The following DGKB variants were observed in gnomAD, a reference collection of about 807,000 sequenced individuals.
The protein encoded by DGKB is diacylglycerol kinase beta, also known as 90 kDa diacylglycerol kinase.
DGKB carries 67 observed loss-of-function variants against 114.3 expected under a neutral mutation model. That is an observed-to-expected ratio of 0.59 (90% CI 0.48 to 0.72). The LOEUF is 0.72. Among genes scored for constraint, DGKB ranks in the 30% least tolerant of loss-of-function variants. DGKB has a pLI of 0.00. For synonymous variants in DGKB, 398 were observed against 323.1 expected, an observed-to-expected ratio of 1.23 and a Z score of -2.49; for missense variants, 907 against 975.2, an observed-to-expected ratio of 0.93 and a Z score of 0.93.
intron 20 of DGKB, among the ~76,000 whole-genome samples, chr7:14,562,948 C>T (rs758937549): frequency 6.6e-6 from 1 of 152,022 alleles, no homozygotes; most frequent in Non-Finnish European, 1.5e-5. Context: ...TGGCTGTGTC[C>T]CCACCCAAAT....
chr7:14,555,468 C>G (rs946418858), intron 20 of DGKB, among the ~76,000 whole-genome samples: 7 of 152,120 alleles, frequency 4.6e-5, no homozygotes, highest in African/African-American at 1.7e-4. Flanking sequence ...CCCAGTGACC[C>G]TATCAGAATT....
chr7:14,900,572 G>A (rs939456136), intron 1 of DGKB, among the ~76,000 whole-genome samples: 6 of 151,976 alleles, frequency 3.9e-5, no homozygotes, highest in African/African-American at 4.8e-5. Context: ...ACAACTCTCC[G>A]TTCTTTCAAT....
At chr7:14,626,301 G>T (rs552376003) in intron 14 of DGKB, among the ~76,000 whole-genome samples, 7 of 152,320 alleles carry the variant, frequency 4.6e-5, no homozygotes, top group African/African-American at 1.7e-4. Flanking sequence ...GAAACTGGCA[G>T]CAGCAAAGCA....
chr7:14,268,490 G>A (rs755985313), intron 23 of DGKB, among the ~76,000 whole-genome samples: 12 of 152,190 alleles, frequency 7.9e-5, no homozygotes, highest in Non-Finnish European at 1.6e-4. Context: ...TCAGCAGGAA[G>A]AGGTACCCAA....
chr7:14,930,656 G>A (rs1215518987), intron 1 of DGKB, among the ~76,000 whole-genome samples: 2 of 152,100 alleles, frequency 1.3e-5, no homozygotes, highest in Admixed American at 6.6e-5. Flanking sequence ...AGTAAACAGG[G>A]ATAGGTTCTC....
intron 23 of DGKB, among the ~76,000 whole-genome samples, chr7:14,265,866 A>G (rs549586273): frequency 6.6e-6 from 1 of 152,352 alleles, no homozygotes; most frequent in South Asian, 2.1e-4. Flanking sequence ...CTGGCAAAGT[A>G]AACATATATA....
chr7:14,413,832 A>G (rs2128749367), intron 21 of DGKB, among the ~76,000 whole-genome samples: 1 of 152,244 alleles, frequency 6.6e-6, no homozygotes, highest in Middle Eastern at 3.4e-3. Context: ...CATCTTCAGT[A>G]TTTTGGCTAT....
At chr7:14,387,887 T>C (rs1463134950) in intron 21 of DGKB, among the ~76,000 whole-genome samples, 1 of 150,438 alleles carries the variant, frequency 6.6e-6, no homozygotes, top group African/African-American at 2.4e-5. Context: ...TTTTCTTTTT[T>C]TTTTTTTTTT....
At chr7:14,551,747 T>C (rs1795134114) in intron 20 of DGKB, among the ~76,000 whole-genome samples, 2 of 152,126 alleles carry the variant, frequency 1.3e-5, no homozygotes, top group Non-Finnish European at 2.9e-5. Flanking sequence ...TTGTGCATAA[T>C]TATGCATATT....
At chr7:14,541,378 A>T (rs1338643436) in intron 20 of DGKB, among the ~76,000 whole-genome samples, 4 of 152,188 alleles carry the variant, frequency 2.6e-5, no homozygotes, top group Non-Finnish European at 5.9e-5. Flanking sequence ...CAAAAAGAAA[A>T]AGTGGTTTTG....
intron 2 of DGKB, among the ~76,000 whole-genome samples, chr7:14,810,627 C>A (rs981350247): frequency 6.6e-6 from 1 of 152,096 alleles, no homozygotes; most frequent in Admixed American, 6.5e-5. Flanking sequence ...CAGAGTCTCA[C>A]ACTGTCATGC....
intron 1 of DGKB, among the ~76,000 whole-genome samples, chr7:14,861,780 T>C (rs993765135): frequency 6.6e-6 from 1 of 152,040 alleles, no homozygotes; most frequent in African/African-American, 2.4e-5. Flanking sequence ...TTCATCTACA[T>C]TGAGGCATAG....
intron 23 of DGKB, among the ~76,000 whole-genome samples, chr7:14,316,806 T>C (rs1445946826): frequency 4.6e-5 from 7 of 151,366 alleles, no homozygotes; most frequent in East Asian, 1.9e-4. Flanking sequence ...CATTCTGATA[T>C]CAAAGCCGGG....
At chr7:14,275,919 T>C (rs1798924072) in intron 23 of DGKB, among the ~76,000 whole-genome samples, 2 of 152,218 alleles carry the variant, frequency 1.3e-5, no homozygotes, top group Admixed American at 1.3e-4. Context: ...AATTAATTCT[T>C]ATCTAATTCA....
intron 20 of DGKB, among the ~76,000 whole-genome samples, chr7:14,568,835 A>G (rs1332718326): frequency 6.6e-6 from 1 of 152,242 alleles, no homozygotes; most frequent in Non-Finnish European, 1.5e-5. Context: ...ATAAGGGACG[A>G]TAGTTGAAAT....
chr7:14,972,637 G>C (rs1787540002), intron 1 of DGKB, among the ~76,000 whole-genome samples: 3 of 148,090 alleles, frequency 2.0e-5, no homozygotes, highest in Non-Finnish European at 3.0e-5. Context: ...CCTCTTATAA[G>C]AAGATGATTG....
At chr7:14,816,304 T>C (rs1381219848) in intron 2 of DGKB, 4 of 152,290 alleles carry the variant, frequency 2.6e-5, no homozygotes, top group African/African-American at 9.7e-5. Context: ...ATCATGCCAC[T>C]GCACTCCAGC....
intron 23 of DGKB, among the ~76,000 whole-genome samples, chr7:14,262,066 C>G (rs1171087642): frequency 6.6e-6 from 1 of 152,056 alleles, no homozygotes; most frequent in Non-Finnish European, 1.5e-5. Context: ...CCTATCTTGT[C>G]TTAGGTTAGG....
chr7:14,715,962 C>T (rs1014013868), intron 6 of DGKB, among the ~76,000 whole-genome samples: 4 of 152,094 alleles, frequency 2.6e-5, no homozygotes, highest in African/African-American at 9.7e-5. Context: ...GGTGTAAATA[C>T]CTGGCAGAAA....
Sources: allele counts gnomAD v4.1 joint callset (sites outside exome capture counted in the v4.1 genomes callset), GRCh38; gene constraint gnomAD v4.1.1; transcripts MANE v1.5; gene names NCBI Gene and HGNC (gene_info 2026-07-23, HGNC 2026-07-21).